Variants in PPM1H observed in about 807,000 individuals in gnomAD.
PPM1H encodes protein phosphatase 1H.
A neutral mutation model predicts 54.9 loss-of-function variants in PPM1H; 27 were observed. The ratio of observed to expected loss-of-function variants is 0.49; its 90% CI spans 0.36 to 0.68. The LOEUF is 0.68. PPM1H is among the 30% of genes least tolerant of loss of function. PPM1H has a pLI of 0.00. For synonymous variants in PPM1H, 305 were observed against 270.8 expected, an observed-to-expected ratio of 1.13 and a Z score of -1.24; for missense variants, 596 against 667.8, an observed-to-expected ratio of 0.89 and a Z score of 1.19.
intron 1 of PPM1H, among the ~76,000 whole-genome samples, chr12:62,863,762 G>C (rs1821074171): frequency 6.6e-6 from 1 of 152,176 alleles, no homozygotes; most frequent in African/African-American, 2.4e-5. Context: ...AGCTGGAAAA[G>C]GGTTCAGGGA....
chr12:62,798,581 G>C (rs1274663910), intron 3 of PPM1H, among the ~76,000 whole-genome samples: 1 of 151,782 alleles, frequency 6.6e-6, no homozygotes, highest in African/African-American at 2.4e-5. Flanking sequence ...GAGGAAGCTA[G>C]GGCATGGGGG....
chr12:62,730,144 A>T (rs1194041584), intron 5 of PPM1H, among the ~76,000 whole-genome samples: 3 of 151,702 alleles, frequency 2.0e-5, no homozygotes, highest in Non-Finnish European at 4.4e-5. Flanking sequence ...CCCCACCCCT[A>T]TCTCCCTTTG....
chr12:62,764,380 A>G (rs1043133395), intron 4 of PPM1H, among the ~76,000 whole-genome samples: 1 of 152,206 alleles, frequency 6.6e-6, no homozygotes, highest in African/African-American at 2.4e-5. Flanking sequence ...CCAAACCACC[A>G]TCCTGAAGCA....
intron 9 of PPM1H, among the ~76,000 whole-genome samples, chr12:62,665,065 T>G (rs1005799275): frequency 7.2e-5 from 11 of 152,226 alleles, no homozygotes; most frequent in Admixed American, 4.6e-4. Context: ...CTCTTTTTTT[T>G]GGGACAGAGT....
chr12:62,750,616 C>A (rs2120574488), intron 4 of PPM1H, among the ~76,000 whole-genome samples: 1 of 152,156 alleles, frequency 6.6e-6, no homozygotes, highest in Non-Finnish European at 1.5e-5. Flanking sequence ...GTTTTCAGTT[C>A]TCTTGGGCAT....
At chr12:62,757,535 T>G (rs2076483603) in intron 4 of PPM1H, among the ~76,000 whole-genome samples, 1 of 152,190 alleles carries the variant, frequency 6.6e-6, no homozygotes, top group Non-Finnish European at 1.5e-5. Context: ...ATAAAATCAA[T>G]GAAGAGATAA....
intron 6 of PPM1H, among the ~76,000 whole-genome samples, 175 bp downstream of exon 6, chr12:62,719,996 G>A (rs1269505234): frequency 6.6e-6 from 1 of 152,192 alleles, no homozygotes; most frequent in African/African-American, 2.4e-5. Context: ...ACCAAGGCTC[G>A]TGATTTGGTC....
intron 4 of PPM1H, among the ~76,000 whole-genome samples, chr12:62,772,801 T>A (rs927498409): frequency 6.6e-6 from 1 of 152,128 alleles, no homozygotes; most frequent in Admixed American, 6.5e-5. Context: ...GTTGGCTCTG[T>A]CAGCTGACAG....
intron 1 of PPM1H, among the ~76,000 whole-genome samples, chr12:62,923,389 T>A (rs952832212): frequency 6.6e-6 from 1 of 152,054 alleles, no homozygotes; most frequent in Non-Finnish European, 1.5e-5. Flanking sequence ...ATTTGAAAAT[T>A]TTTTTTTCTT....
At chr12:62,887,456 T>C (rs1258141892) in intron 1 of PPM1H, among the ~76,000 whole-genome samples, 3 of 152,206 alleles carry the variant, frequency 2.0e-5, no homozygotes, top group Admixed American at 1.3e-4. Flanking sequence ...CCAATGCTTA[T>C]TGAGCAGTTA....
intron 8 of PPM1H, among the ~76,000 whole-genome samples, chr12:62,673,243 T>C (rs2075966399): frequency 6.6e-6 from 1 of 152,196 alleles, no homozygotes; most frequent in Non-Finnish European, 1.5e-5. Flanking sequence ...CACTTAGAGA[T>C]GTCCTTAATG....
intron 1 of PPM1H, among the ~76,000 whole-genome samples, chr12:62,867,640 C>T (rs1351164774): frequency 1.4e-4 from 18 of 128,752 alleles, no homozygotes; most frequent in African/African-American, 4.2e-4. Flanking sequence ...TGCAGTGGCG[C>T]GATCTCGGCT....
chr12:62,699,146 C>CT, intron 6 of PPM1H, among the ~76,000 whole-genome samples: 1 of 152,088 alleles, frequency 6.6e-6, no homozygotes, highest in African/African-American at 2.4e-5. Context: ...CAGCAGTATC[C>CT]TTTTTCATGA....
intron 9 of PPM1H, chr12:62,659,243 T>C (rs2075866315): frequency 4.7e-6 from 2 of 422,080 alleles, no homozygotes; most frequent in Non-Finnish European, 8.9e-6. Flanking sequence ...ATGTGCACAT[T>C]GTGTTCTAAA....
Position 62,832,258 on chromosome 12 carries a change from G to T in PPM1H, c.267C>A (p.Ser89Arg). Reference protein sequence around the residue: ...GYAEVINAGKSTHNEDQASCE... With the variant: ...GYAEVINAGKRTHNEDQASCE... ...AGCTGGCTTGGTCTTCATTGTGTGT[G>T]CTCTTCCCGGCATTGATAACCCTGG... is the stretch of plus-strand genomic sequence containing the variant. Residue 89 changes from serine (S) to arginine (R), a missense_variant, in exon 2 of 10, where the codon AGC becomes AGA. Ser to Arg is a moderately radical substitution (Grantham distance 110). This residue lies in a region of PPM1H where 382 missense variants were observed against 387.1 expected (regional missense o/e 0.99). Transcript: ENST00000228705. 6.2e-7 allele frequency: 1 copy of T among 1,612,552 alleles called. No homozygotes were observed. The highest frequency in any genetic ancestry group is 8.5e-7 in the Non-Finnish European group (1 of 1,179,304).
intron 3 of PPM1H, among the ~76,000 whole-genome samples, chr12:62,795,457 A>T (rs1007305874): frequency 2.8e-4 from 43 of 151,730 alleles, no homozygotes; most frequent in African/African-American, 8.0e-4. Flanking sequence ...ATATATATAT[A>T]TTTTTGAGAC....
chr12:62,727,060 G>A (rs958461669), intron 5 of PPM1H, among the ~76,000 whole-genome samples: 6 of 151,820 alleles, frequency 4.0e-5, no homozygotes, highest in South Asian at 2.1e-4. Context: ...GATTACAGGC[G>A]CCCGCTACCA....
intron 4 of PPM1H, among the ~76,000 whole-genome samples, chr12:62,740,913 G>A (rs1293420009): frequency 2.0e-5 from 3 of 152,180 alleles, no homozygotes; most frequent in Non-Finnish European, 4.4e-5. Flanking sequence ...TCTGCTGCAT[G>A]GATAAATAGC....
intron 4 of PPM1H, chr12:62,756,054 AC>A: frequency 7.8e-7 from 1 of 1,283,764 alleles, no homozygotes; most frequent in Non-Finnish European, 1.1e-6. Flanking sequence ...CCTGGGCTAC[AC>A]TGAGCACCAG....
Sources: allele counts gnomAD v4.1 joint callset (sites outside exome capture counted in the v4.1 genomes callset), GRCh38; gene constraint gnomAD v4.1.1; regional missense constraint gnomAD v4.1.1; transcripts MANE v1.5; gene names NCBI Gene and HGNC (gene_info 2026-07-23, HGNC 2026-07-21).